The following DRD3 variants were observed in gnomAD, a reference collection of about 807,000 sequenced individuals.
The protein encoded by DRD3 is dopamine receptor D3.
In DRD3, 19 loss-of-function variants were observed where a neutral mutation model predicts 36.3. The ratio of observed to expected loss-of-function variants is 0.52; its 90% CI spans 0.36 to 0.77. The LOEUF is 0.77. DRD3 is among the 30% of genes least tolerant of loss of function. DRD3 has a pLI of 0.00. For missense variants in DRD3, 465 were observed against 505.3 expected (o/e 0.92, Z 0.77); for synonymous variants, 195 against 203.7 (o/e 0.96, Z 0.36).
chr3:114,195,838 T>C (rs1404631630), intron 1 of DRD3, among the ~76,000 whole-genome samples: 2 of 152,224 alleles, frequency 1.3e-5, no homozygotes, highest in African/African-American at 4.8e-5. Flanking sequence ...GAGATCCGGC[T>C]TGACAATACT....
chr3:114,177,516 CAAAT>C (rs1446743008), intron 1 of DRD3, among the ~76,000 whole-genome samples: 4 of 152,054 alleles, frequency 2.6e-5, no homozygotes, highest in Non-Finnish European at 5.9e-5. Flanking sequence ...GGGAACTCAG[CAAAT>C]AAATCAATCA....
At chr3:114,180,742 A>G (rs186478157), upstream of DRD3, among the ~76,000 whole-genome samples, 1 of 152,344 alleles carries the variant, frequency 6.6e-6, no homozygotes, top group African/African-American at 2.4e-5. Context: ...GTTATATGAC[A>G]TAACTATATT....
chr3:114,158,620 G>GTGGT (rs2077704103), intron 3 of DRD3, among the ~76,000 whole-genome samples: 1 of 152,184 alleles, frequency 6.6e-6, no homozygotes, highest in African/African-American at 2.4e-5. Context: ...GCTGAATTCA[G>GTGGT]TGGTCCCTGT....
chr3:114,166,729 A>C (rs1032290847), intron 2 of DRD3, among the ~76,000 whole-genome samples: 1 of 152,208 alleles, frequency 6.6e-6, no homozygotes, highest in Non-Finnish European at 1.5e-5. Flanking sequence ...TTAGGTGCAT[A>C]AGAAGTATGG....
chr3:114,153,264 CCTTT>C (rs1487870982), intron 3 of DRD3, among the ~76,000 whole-genome samples: 1 of 3,958 alleles, frequency 2.5e-4, no homozygotes, highest in Non-Finnish European at 5.4e-4. Flanking sequence ...TCTCTGTAAA[CCTTT>C]TTTTTTTTTA....
At chr3:114,176,759 G>A (rs914796841) in intron 1 of DRD3, among the ~76,000 whole-genome samples, 2 of 152,224 alleles carry the variant, frequency 1.3e-5, no homozygotes, top group Non-Finnish European at 2.9e-5. Flanking sequence ...TTACTCAGAC[G>A]ACTCCTGACC....
At chr3:114,144,298 T>C (rs554831235) in intron 4 of DRD3, among the ~76,000 whole-genome samples, 1 of 152,370 alleles carries the variant, frequency 6.6e-6, no homozygotes, top group East Asian at 1.9e-4. Flanking sequence ...GAAAGTTCTT[T>C]TTTTGTGTTG....
chr3:114,175,615 T>G (rs551549853), intron 1 of DRD3, among the ~76,000 whole-genome samples: 59 of 151,836 alleles, frequency 3.9e-4, no homozygotes, highest in East Asian at 7.8e-4. Context: ...TAACCCACCT[T>G]CTGCTATAAA....
intron 3 of DRD3, among the ~76,000 whole-genome samples, chr3:114,151,463 G>C (rs891209217): frequency 6.6e-5 from 10 of 152,144 alleles, no homozygotes; most frequent in African/African-American, 1.9e-4. Flanking sequence ...GCCAATTTCT[G>C]TGGTGTCAAT....
chr3:114,178,392 T>C (rs932294013), intron 1 of DRD3, among the ~76,000 whole-genome samples: 2 of 152,176 alleles, frequency 1.3e-5, no homozygotes, highest in African/African-American at 4.8e-5. Context: ...TTCTATCTTT[T>C]AATTCTTCCT....
intron 2 of DRD3, among the ~76,000 whole-genome samples, chr3:114,168,251 C>T (rs2077804943): frequency 6.6e-6 from 1 of 152,156 alleles, no homozygotes; most frequent in African/African-American, 2.4e-5. Context: ...TTGTTGTCAC[C>T]TCCATTTTAT....
At chr3:114,130,421 T>C (rs2077418456) in intron 6 of DRD3, among the ~76,000 whole-genome samples, 3 of 145,900 alleles carry the variant, frequency 2.1e-5, no homozygotes, top group South Asian at 2.2e-4. Context: ...TTTAAAATAA[T>C]CTAGATTTTT....
chr3:114,184,851 A>C (rs2077966944), intron 1 of DRD3, among the ~76,000 whole-genome samples: 1 of 152,162 alleles, frequency 6.6e-6, no homozygotes, highest in Non-Finnish European at 1.5e-5. Flanking sequence ...TGTGTGAGTC[A>C]CTGCAACTGA....
At chr3:114,187,036 T>A (rs989230457) in intron 1 of DRD3, among the ~76,000 whole-genome samples, 2 of 152,212 alleles carry the variant, frequency 1.3e-5, no homozygotes, top group African/African-American at 4.8e-5. Context: ...CTAGACTGGG[T>A]GAGACATGTT....
intron 5 of DRD3, among the ~76,000 whole-genome samples, chr3:114,133,556 C>A (rs2077449480): frequency 2.3e-4 from 2 of 8,738 alleles, no homozygotes; most frequent in African/African-American, 3.4e-4. Context: ...CTTCTCAGCT[C>A]TCTTACTTAG....
chr3:114,167,017 C>T (rs1174741688), intron 2 of DRD3, among the ~76,000 whole-genome samples: 1 of 152,098 alleles, frequency 6.6e-6, no homozygotes, highest in Non-Finnish European at 1.5e-5. Flanking sequence ...TAAAAAAACC[C>T]ACTTCTTTAT....
intron 5 of DRD3, among the ~76,000 whole-genome samples, chr3:114,133,801 C>T (rs562347974): frequency 3.9e-5 from 6 of 152,274 alleles, no homozygotes; most frequent in Admixed American, 3.3e-4. Context: ...CTCAACTCTT[C>T]AACTCCCATT....
In DRD3 at chr3:114,128,890, C is replaced by G; in HGVS notation, c.1029G>C (p.Leu343=). ...IVLGAFIVCW[L]PFFLTHVLNT... ...TGAGAACATGGGTCAAGAAGAAGGG[C>G]AGCCAGCAGACAATGAAGGCCCCTA... The change falls in exon 7 of 7, where the codon CTG becomes CTC. Residue 343 remains leucine, a synonymous_variant. Transcript: ENST00000383673. 2 of 1,603,962 alleles carry G rather than the reference C, an allele frequency of 1.2e-6. No individual in the cohort carries two copies. The highest frequency in any genetic ancestry group is 1.7e-6 in the Non-Finnish European group (2 of 1,175,126).
At chr3:114,146,558 G>T (rs2077571379) in intron 4 of DRD3, among the ~76,000 whole-genome samples, 1 of 151,882 alleles carries the variant, frequency 6.6e-6, no homozygotes, top group African/African-American at 2.4e-5. Context: ...AATTAGTGGG[G>T]CGTGGTGGTG....
Sources: gnomAD v4.1 joint callset for allele counts (sites outside exome capture counted in the v4.1 genomes callset) on GRCh38, gnomAD v4.1.1 for gene constraint, MANE v1.5 for transcripts, NCBI Gene and HGNC (gene_info 2026-07-23, HGNC 2026-07-21) for gene names.